Variants in HAGH observed in about 807,000 individuals in gnomAD.
HAGH encodes hydroxyacylglutathione hydrolase, mitochondrial.
In HAGH, 29 loss-of-function variants were observed where a neutral mutation model predicts 35.1. The observed-to-expected ratio is 0.83, with a 90% CI of 0.62 to 1.13. The LOEUF (loss-of-function observed/expected upper bound fraction) is 1.13. HAGH is among the 50% of genes most tolerant of loss of function. The pLI is 0.00. For synonymous variants in HAGH, 225 were observed against 176.1 expected (o/e 1.28, Z -2.20); for missense variants, 478 against 419.6 (o/e 1.14, Z -1.22).
chr16:1,811,549 C>G (rs1474339344), intron 7 of HAGH, among the ~76,000 whole-genome samples: 1 of 151,884 alleles, frequency 6.6e-6, no homozygotes, highest in Admixed American at 6.6e-5. Flanking sequence ...CCCGTCTCTA[C>G]TAAAAATACA....
intron 3 of HAGH, 120 bp from the exon 4 acceptor site, chr16:1,820,134 A>AAC (rs1555468364): frequency 2.1e-5 from 15 of 721,820 alleles, no homozygotes; most frequent in Non-Finnish European, 3.7e-5. Flanking sequence ...AGTCAAACGC[A>AAC]ACACTTATTT....
intron 3 of HAGH, among the ~76,000 whole-genome samples, chr16:1,820,935 T>TA (rs1310581743): frequency 6.6e-6 from 1 of 152,100 alleles, no homozygotes; most frequent in African/African-American, 2.4e-5. Flanking sequence ...GCATGAATGT[T>TA]AGAGGGGCCG....
chr16:1,811,288 C>A (rs561045873), intron 7 of HAGH, among the ~76,000 whole-genome samples: 1 of 152,186 alleles, frequency 6.6e-6, no homozygotes, highest in Admixed American at 6.5e-5. Flanking sequence ...GTGGCGGGTG[C>A]CTGTAATCCC....
chr16:1,820,017 A>G lies in HAGH; in HGVS notation c.315-3T>C, dbSNP rs1251894759. ...TCTCATTCCCGCCAGCATGGTCCCT[A>G]GAAGTCAAACAGGAGACCTGGGCTG... On this transcript the variant is annotated splice_region_variant and splice_polypyrimidine_tract_variant and intron_variant, in intron 3 of 8. Coordinates refer to ENST00000397356, the MANE Select transcript of HAGH (RefSeq NM_005326.6). The G allele has an allele frequency of 7.5e-6, 12 of 1,601,778 alleles. No homozygotes were observed. The highest frequency in any genetic ancestry group is 1.1e-5 in the South Asian group (1 of 90,618).
intron 5 of HAGH, 136 bp from the exon 6 acceptor site, chr16:1,817,407 C>T (rs2142038333): frequency 1.5e-6 from 1 of 663,230 alleles, no homozygotes; most frequent in East Asian, 2.7e-5. Context: ...CCACGGCTGC[C>T]CAGACTCAGC....
intron 5 of HAGH, among the ~76,000 whole-genome samples, chr16:1,817,831 C>T (rs1897977015): frequency 6.6e-6 from 1 of 152,224 alleles, no homozygotes; most frequent in African/African-American, 2.4e-5. Context: ...CCTCCTCTTG[C>T]TGCTTCGCGG....
chr16:1,820,413 G>GT (rs1213512451), intron 3 of HAGH, among the ~76,000 whole-genome samples: 1 of 152,104 alleles, frequency 6.6e-6, no homozygotes, highest in Non-Finnish European at 1.5e-5. Flanking sequence ...GTGGATTTTT[G>GT]ATTTTTGAAG....
chr16:1,809,556 A>G, intron 8 of HAGH, 174 bp from the exon 9 acceptor site: 1 of 664,924 alleles, frequency 1.5e-6, no homozygotes, highest in Non-Finnish European at 2.6e-6. Flanking sequence ...CAGGGTCCAG[A>G]AGGACTCACA....
rs1418280261 is a variant in HAGH, at chr16:1,809,351, T to A, written c.859A>T (p.Thr287Ser). Residue 287 changes from threonine (T) to serine (S), a missense_variant, in exon 9 of 9, where the codon ACG becomes TCG. Thr to Ser is a moderately conservative substitution (Grantham distance 58). Coordinates refer to ENST00000397356, the MANE Select transcript of HAGH (RefSeq NM_005326.6). ...GCCCGCATGGTGGTCACCGGGTCCGTCTCACCTGCGTGCTGCTGCACCGTC... is the reference window on the plus strand; with the variant it reads ...GCCCGCATGGTGGTCACCGGGTCCGACTCACCTGCGTGCTGCTGCACCGTC... ...EKTVQQHAGETDPVTTMRAVR... is the reference protein window; with the variant it reads ...EKTVQQHAGESDPVTTMRAVR... 6 of 1,613,010 alleles carry A rather than the reference T, an allele frequency of 3.7e-6. No individual in the cohort carries two copies.
chr16:1,814,445 G>T (rs1235403458), intron 7 of HAGH, among the ~76,000 whole-genome samples: 3 of 149,500 alleles, frequency 2.0e-5, no homozygotes, highest in Admixed American at 6.7e-5. Flanking sequence ...CTGCACTCCA[G>T]CCTGGGCAAC....
intron 3 of HAGH, among the ~76,000 whole-genome samples, chr16:1,820,849 G>A (rs1229268226): frequency 6.6e-6 from 1 of 152,192 alleles, no homozygotes. Context: ...GCCTTGGTCT[G>A]CCCATCACCA....
chr16:1,809,848 C>G lies in HAGH; in HGVS notation c.748-15G>C, dbSNP rs573567318. 3.6e-5 allele frequency: 57 copies of G among 1,604,532 alleles called. No homozygotes were observed. In the African/African-American group the frequency reaches 6.3e-4, roughly 18 times the overall value. Reference sequence around the variant, plus strand: ...CTGTACTTCTCCTGCAAGAGAAACGCACCACTTTATCACGGGAACTTCACA... The same window carrying G: ...CTGTACTTCTCCTGCAAGAGAAACGGACCACTTTATCACGGGAACTTCACA... On this transcript the variant is annotated splice_polypyrimidine_tract_variant and intron_variant, in intron 7 of 8. Coordinates refer to ENST00000397356, the MANE Select transcript of HAGH (RefSeq NM_005326.6).
rs1312022359 is a variant in HAGH, at chr16:1,807,735, G to GA, written c.*1547dup. The GA allele has an allele frequency of 3.3e-5, 5 of 152,290 alleles. No individual in the cohort carries two copies. Among genetic ancestry groups the GA allele is most frequent in the Admixed American group, 2.0e-4 (3 of 15,284 alleles). 9.4% of individuals were successfully genotyped at this position (152,290 alleles called of 1,614,324 possible). On this transcript the variant is annotated 3_prime_UTR_variant, in exon 9 of 9. Coordinates refer to ENST00000397356, the MANE Select transcript of HAGH (RefSeq NM_005326.6). Reference sequence around the variant, plus strand: ...GGGGTAGTGGGAGAAGAAAGCCGGAGAAGCAGTCTGCCCTGCCTCCTCACA... The same window carrying GA: ...GGGGTAGTGGGAGAAGAAAGCCGGAGAAAGCAGTCTGCCCTGCCTCCTCACA...
chr16:1,816,270 C>T (rs12597803), intron 7 of HAGH, among the ~76,000 whole-genome samples: 33,120 of 150,276 alleles, frequency 0.22, 3,714 homozygotes, highest in South Asian at 0.29. Context: ...TTGGAATTTG[C>T]ATGAGTAAAT....
In HAGH at chr16:1,809,373, C is replaced by G. The variant is rs113029133; in HGVS notation, c.837G>C (p.Thr279=). ...YNPFMRVREK[T]VQQHAGETDP... ...CCGTCTCACCTGCGTGCTGCTGCAC[C>G]GTCTTCTCCCTGCGGAGGCCAGCAC... is the stretch of plus-strand genomic sequence containing the variant. Residue 279 remains threonine, a synonymous_variant, in exon 9 of 9, where the codon ACG becomes ACC. Coordinates refer to ENST00000397356, the MANE Select transcript of HAGH (RefSeq NM_005326.6). 4.3e-6 allele frequency: 7 copies of G among 1,610,620 alleles called. No individual in the cohort carries two copies.
intron 7 of HAGH, among the ~76,000 whole-genome samples, chr16:1,813,217 G>T (rs1596915402): frequency 6.6e-6 from 1 of 152,168 alleles, no homozygotes; most frequent in South Asian, 2.1e-4. Flanking sequence ...TTGTTTAAAA[G>T]AAACTTTTGC....
chr16:1,817,318 G>C (rs747517262), intron 5 of HAGH, 47 bp from the exon 6 acceptor site: 1 of 1,219,124 alleles, frequency 8.2e-7, no homozygotes, highest in Non-Finnish European at 1.2e-6. Flanking sequence ...GAGGCTGGTG[G>C]CTAGGACTCA....
chr16:1,814,969 A>ATC (rs1567254779), intron 7 of HAGH, among the ~76,000 whole-genome samples: 3 of 151,804 alleles, frequency 2.0e-5, no homozygotes, highest in African/African-American at 7.3e-5. Context: ...ATATATATAT[A>ATC]TCTCACAAAG....
intron 5 of HAGH, 119 bp downstream of exon 5, chr16:1,818,996 T>A: frequency 1.5e-6 from 1 of 654,054 alleles, no homozygotes. Context: ...CACCCACCCC[T>A]GGGCCCCCTC....
Sources: allele counts gnomAD v4.1 joint callset (sites outside exome capture counted in the v4.1 genomes callset), GRCh38; gene constraint gnomAD v4.1.1; transcripts MANE v1.5; gene names NCBI Gene and HGNC (gene_info 2026-07-23, HGNC 2026-07-21).